Variants in XIRP2 observed in about 807,000 individuals in gnomAD.
The protein encoded by XIRP2 is xin actin binding repeat containing 2, also known as xin actin-binding repeat-containing protein 2.
In XIRP2, 236 loss-of-function variants were observed where a neutral mutation model predicts 277.0. That is an observed-to-expected ratio of 0.85 (90% CI 0.77 to 0.95). XIRP2 has a LOEUF of 0.95. Among genes scored for constraint, XIRP2 ranks in the 40% least tolerant of loss-of-function variants. XIRP2 has a pLI of 0.00. For synonymous variants in XIRP2, 1,490 were observed against 1,416.5 expected, an observed-to-expected ratio of 1.05 and a Z score of -1.17; for missense variants, 4,640 against 4,157.5, an observed-to-expected ratio of 1.12 and a Z score of -3.19.
chr2:167,175,946 G>A (rs1303163149), intron 3 of XIRP2, among the ~76,000 whole-genome samples: 1 of 152,180 alleles, frequency 6.6e-6, no homozygotes, highest in Non-Finnish European at 1.5e-5. Flanking sequence ...TCAAGCCTCA[G>A]TAATGGTGGA....
chr2:167,111,338 A>C (rs1186346398), intron 2 of XIRP2, among the ~76,000 whole-genome samples: 1 of 152,060 alleles, frequency 6.6e-6, no homozygotes, highest in Non-Finnish European at 1.5e-5. Flanking sequence ...ATTATTTTGA[A>C]GTATGATTCT....
At chr2:167,086,671 T>G (rs1558974504) in intron 2 of XIRP2, among the ~76,000 whole-genome samples, 1 of 152,030 alleles carries the variant, frequency 6.6e-6, no homozygotes, top group Non-Finnish European at 1.5e-5. Context: ...TAAACTTCCC[T>G]TCTCGCTTCA....
chr2:167,225,120 A>T (rs1418471393), intron 5 of XIRP2, among the ~76,000 whole-genome samples: 1 of 152,222 alleles, frequency 6.6e-6, no homozygotes, highest in Non-Finnish European at 1.5e-5. Context: ...GAGCCTCACA[A>T]TAAATAAAAA....
intron 4 of XIRP2, among the ~76,000 whole-genome samples, chr2:167,215,563 A>AC (rs1483429034): frequency 6.6e-6 from 1 of 151,966 alleles, no homozygotes; most frequent in African/African-American, 2.4e-5. Context: ...AAGATCCAGG[A>AC]CCCCCAAAGT....
rs202072159 is a variant in XIRP2, at chr2:167,245,586, G to T, written c.4194G>T (p.Gln1398His). The T allele has an allele frequency of 1.0e-4, 163 of 1,613,668 alleles. No individual in the cohort carries two copies. In the East Asian group the frequency reaches 3.6e-3, roughly 35 times the overall value. Residue 1398 changes from glutamine to histidine, a missense_variant, in exon 9 of 11, where the codon CAG becomes CAT. Transcript: ENST00000409195. ...GATTTGAAACTCAGCCACTGGATCA[G>T]ATTTCTGAAGAATCACATAATATTA... ...RYRFETQPLDQISEESHNIMP... is the reference protein window; with the variant it reads ...RYRFETQPLDHISEESHNIMP...
At chr2:167,009,047 T>G (rs1040989337) in intron 2 of XIRP2, among the ~76,000 whole-genome samples, 1 of 151,336 alleles carries the variant, frequency 6.6e-6, no homozygotes, top group African/African-American at 2.4e-5. Context: ...TTGGCAATAT[T>G]TATTTATTTA....
Position 167,259,337 on chromosome 2 carries a change from A to G in XIRP2, c.*1520A>G, listed in dbSNP as rs550898663. 6.2e-7 allele frequency: 1 copy of G among 1,611,188 alleles called. No homozygotes were observed. Among genetic ancestry groups the G allele is most frequent in the Admixed American group, 1.7e-5 (1 of 59,518 alleles). On this transcript the variant is annotated 3_prime_UTR_variant, in exon 11 of 11. Coordinates refer to ENST00000409195, the MANE Select transcript of XIRP2 (RefSeq NM_152381.6). The stretch of plus-strand genomic sequence containing the variant: ...CACGGTGGAAGAGCAGATTAAAAGA[A>G]ACAGGTGCTACAGTGACACTGAGTA...
chr2:167,164,208 A>T (rs796528125), intron 3 of XIRP2, among the ~76,000 whole-genome samples: 9 of 152,106 alleles, frequency 5.9e-5, no homozygotes, highest in African/African-American at 2.2e-4. Flanking sequence ...TGGGAGGCCG[A>T]GGCAGGTGGA....
chr2:167,255,087 ACT>A (rs1216383288), intron 10 of XIRP2, among the ~76,000 whole-genome samples: 2 of 150,304 alleles, frequency 1.3e-5, no homozygotes, highest in East Asian at 2.0e-4. Context: ...TGTGTGGGGG[ACT>A]CTCTGTCCAT....
chr2:167,203,489 G>C (rs1339505348), intron 3 of XIRP2, among the ~76,000 whole-genome samples: 1 of 152,144 alleles, frequency 6.6e-6, no homozygotes, highest in Non-Finnish European at 1.5e-5. Flanking sequence ...AGGGAGGTTA[G>C]TTTGAGAAAT....
chr2:167,100,170 T>TA (rs960252986), intron 2 of XIRP2, among the ~76,000 whole-genome samples: 27 of 149,026 alleles, frequency 1.8e-4, no homozygotes, highest in East Asian at 9.8e-4. Context: ...AAAAAAAAAT[T>TA]AAAAAAAAAT....
chr2:167,149,596 C>T (rs1247619232), intron 3 of XIRP2, among the ~76,000 whole-genome samples: 1 of 151,986 alleles, frequency 6.6e-6, no homozygotes, highest in Admixed American at 6.6e-5. Flanking sequence ...TCGATCTTGT[C>T]TTTCATTATA....
chr2:167,259,041 A>T lies in XIRP2; in HGVS notation c.*1224A>T. On this transcript the variant is annotated 3_prime_UTR_variant, in exon 11 of 11. Coordinates refer to ENST00000409195, the MANE Select transcript of XIRP2 (RefSeq NM_152381.6). ...AAAGGAAGCCATTCAAAGAGCAAAA[A>T]TTTACACTTTTTCTTTTCTAACACC... 6.2e-7 allele frequency: 1 copy of T among 1,610,358 alleles called. No homozygotes were observed. Among genetic ancestry groups the T allele is most frequent in the Non-Finnish European group, 8.5e-7 (1 of 1,177,612 alleles).
At chr2:167,156,698 C>T (rs1373492399) in intron 3 of XIRP2, among the ~76,000 whole-genome samples, 1 of 152,114 alleles carries the variant, frequency 6.6e-6, no homozygotes, top group Non-Finnish European at 1.5e-5. Context: ...AAATGATAAG[C>T]TCTGCAAAAC....
intron 2 of XIRP2, among the ~76,000 whole-genome samples, chr2:166,984,911 T>G (rs892032875): frequency 2.0e-5 from 3 of 152,240 alleles, no homozygotes; most frequent in African/African-American, 7.2e-5. Context: ...GAATTTTACT[T>G]TTTTCAAATC....
intron 2 of XIRP2, among the ~76,000 whole-genome samples, chr2:167,036,321 G>C (rs1159306181): frequency 2.6e-5 from 4 of 152,082 alleles, no homozygotes; most frequent in Non-Finnish European, 5.9e-5. Flanking sequence ...CAGGAGGGAG[G>C]CTGTACCCTG....
intron 2 of XIRP2, among the ~76,000 whole-genome samples, chr2:167,135,149 A>G (rs1459798013): frequency 6.6e-6 from 1 of 152,128 alleles, no homozygotes; most frequent in Non-Finnish European, 1.5e-5. Context: ...TTGCTTCTTG[A>G]ACTGTCTTGA....
intron 2 of XIRP2, among the ~76,000 whole-genome samples, chr2:166,942,607 T>C (rs1039894116): frequency 2.6e-5 from 4 of 152,224 alleles, no homozygotes; most frequent in Non-Finnish European, 5.9e-5. Context: ...ATTTTATGTA[T>C]CATTTAAAGA....
intron 2 of XIRP2, among the ~76,000 whole-genome samples, chr2:167,012,909 G>A (rs1687721679): frequency 6.6e-6 from 1 of 151,002 alleles, no homozygotes; most frequent in African/African-American, 2.4e-5. Context: ...GTTATTTCCA[G>A]TTCATCATTG....
Sources: allele counts gnomAD v4.1 joint callset (sites outside exome capture counted in the v4.1 genomes callset), GRCh38; gene constraint gnomAD v4.1.1; transcripts MANE v1.5; gene names NCBI Gene and HGNC (gene_info 2026-07-23, HGNC 2026-07-21).